Variants in DCP1B observed in about 807,000 individuals in gnomAD.
DCP1B encodes decapping mRNA 1B.
Under a neutral mutation model 60.5 loss-of-function variants are expected in DCP1B, and 47 were observed. That is an observed-to-expected ratio of 0.78 (90% confidence interval 0.61 to 0.99). DCP1B has a LOEUF of 0.99. DCP1B is among the 50% of genes least tolerant of loss of function. The pLI is 0.00. For missense variants in DCP1B, 725 were observed against 756.8 expected (o/e 0.96, Z 0.49); for synonymous variants, 267 against 280.3 (o/e 0.95, Z 0.47).
intron 1 of DCP1B, among the ~76,000 whole-genome samples, chr12:1,998,491 C>T (rs1398512811): frequency 6.6e-6 from 1 of 152,112 alleles, no homozygotes; most frequent in Non-Finnish European, 1.5e-5. Context: ...GCAATGATGC[C>T]ACAGAGTTCT....
At chr12:1,966,593 C>A (rs539813311) in intron 4 of DCP1B, among the ~76,000 whole-genome samples, 1 of 152,224 alleles carries the variant, frequency 6.6e-6, no homozygotes, top group East Asian at 1.9e-4. Flanking sequence ...ATTTCCTGCC[C>A]GAGCTGTTAG....
Position 1,996,656 on chromosome 12 carries a change from C to CA in DCP1B, c.191+1278dup, listed in dbSNP as rs1349356918. On this transcript the variant is annotated intron_variant, in intron 2 of 8. Coordinates refer to ENST00000280665, the MANE Select transcript of DCP1B (RefSeq NM_152640.5). Reference sequence around the variant, plus strand: ...AAAAAAAAAAAAAAAAAAAAAAAAACAACAAACTCTTCTAATGTTTTAAAG... The same window carrying CA: ...AAAAAAAAAAAAAAAAAAAAAAAAACAAACAAACTCTTCTAATGTTTTAAAG... 5.5e-4 allele frequency among the ~76,000 whole-genome samples: 30 copies of CA among 54,606 alleles called. 3 individuals carry two copies. The highest frequency in any genetic ancestry group is 1.2e-3 in the African/African-American group (14 of 11,260). 35.8% of individuals were successfully genotyped at this position (54,606 alleles called of 152,430 possible). A position where few individuals can be genotyped will look rare whatever the true frequency, so the allele number is the denominator to read the frequency against.
At chr12:1,949,366 G>C (rs990246745) in intron 7 of DCP1B, 32 bp from the exon 8 acceptor site, 8 of 1,605,090 alleles carry the variant, frequency 5.0e-6, no homozygotes, top group Non-Finnish European at 6.8e-6. Context: ...AGAGAGCGGG[G>C]TTCAGGAGCA....
chr12:1,950,431 G>A (rs113447912), intron 7 of DCP1B: 140 of 701,722 alleles, frequency 2.0e-4, no homozygotes, highest in African/African-American at 1.9e-3. Context: ...TATATTCATC[G>A]CATGCTTCTA....
Position 1,993,277 on chromosome 12 carries a change from G to C in DCP1B, c.306C>G (p.Tyr102Ter). The change falls in exon 3 of 9, where the codon TAC becomes TAG. Residue 102 changes from tyrosine to a stop codon, truncating the protein, a stop_gained. Transcript: ENST00000280665. LOFTEE classifies it high-confidence loss of function. ...AGAAAGACTCACATCTGGCATTTCT[G>C]TAGAGAAGGAAAGGGTCCTGGAGTT... is the stretch of plus-strand genomic sequence containing the variant. ...DFQLQDPFLL[Y>*]RNARLSIYGI... 1 of 1,614,118 alleles carries C rather than the reference G, an allele frequency of 6.2e-7. No homozygotes were observed.
At chr12:1,959,314 G>A (rs1186160333) in intron 5 of DCP1B, among the ~76,000 whole-genome samples, 1 of 152,206 alleles carries the variant, frequency 6.6e-6, no homozygotes, top group Non-Finnish European at 1.5e-5. Context: ...AGTGGAGGAA[G>A]ATACCTGCAC....
intron 6 of DCP1B, 51 bp downstream of exon 6, chr12:1,955,381 C>CT: frequency 6.4e-7 from 1 of 1,566,478 alleles, no homozygotes; most frequent in Non-Finnish European, 8.7e-7. Context: ...GGTCAAAGTT[C>CT]TTTAAGAATT....
chr12:2,002,616 A>G (rs144532390), intron 1 of DCP1B, among the ~76,000 whole-genome samples: 1 of 152,340 alleles, frequency 6.6e-6, no homozygotes, highest in Non-Finnish European at 1.5e-5. Flanking sequence ...AACAACTATT[A>G]TTCAAGAGAA....
intron 3 of DCP1B, among the ~76,000 whole-genome samples, chr12:1,974,203 CAA>C (rs1317950829): frequency 2.0e-5 from 3 of 152,104 alleles, no homozygotes; most frequent in Non-Finnish European, 4.4e-5. Flanking sequence ...TTGCTAATAT[CAA>C]TAATTATCAC....
At chr12:1,950,272 C>CGGTG (rs2030615205) in intron 7 of DCP1B, 1 of 695,198 alleles carries the variant, frequency 1.4e-6, no homozygotes, top group Non-Finnish European at 2.6e-6. Flanking sequence ...TTTCGAGGAG[C>CGGTG]GGTGCTGAGC....
chr12:1,959,754 T>C (rs1268731942), intron 5 of DCP1B, among the ~76,000 whole-genome samples: 1 of 152,140 alleles, frequency 6.6e-6, no homozygotes, highest in African/African-American at 2.4e-5. Flanking sequence ...GGTCAGCAGA[T>C]CGAGACCATC....
intron 2 of DCP1B, among the ~76,000 whole-genome samples, chr12:1,996,429 C>T (rs955149617): frequency 6.6e-6 from 1 of 151,860 alleles, no homozygotes; most frequent in Non-Finnish European, 1.5e-5. Context: ...TTTTGCCATT[C>T]TTCCTGTTGA....
At chr12:1,945,344 T>C (rs2030382864), downstream of DCP1B, among the ~76,000 whole-genome samples, 1 of 152,196 alleles carries the variant, frequency 6.6e-6, no homozygotes, top group African/African-American at 2.4e-5. Flanking sequence ...TGTAAATTAG[T>C]TCAACCATTG....
chr12:1,972,186 T>C (rs1420292321), intron 3 of DCP1B, among the ~76,000 whole-genome samples: 1 of 152,230 alleles, frequency 6.6e-6, no homozygotes, highest in Non-Finnish European at 1.5e-5. Context: ...AAACCTCTTC[T>C]GGGCATCTAA....
chr12:2,002,882 C>T (rs1226544241), intron 1 of DCP1B, among the ~76,000 whole-genome samples: 6 of 151,956 alleles, frequency 3.9e-5, no homozygotes, highest in Non-Finnish European at 1.5e-5. Flanking sequence ...TATGTAAAAA[C>T]GAAGGTGACA....
rs140236367 is a variant in DCP1B, at chr12:1,983,612, A to G, written c.319+9652T>C. On this transcript the variant is annotated intron_variant, in intron 3 of 8. Transcript: ENST00000280665. ...ACTTTGTATGATTTCAACTCTTTAA[A>G]AATTTTTAAGGTTTGCTTTATGACC... is the stretch of plus-strand genomic sequence containing the variant. Among the ~76,000 whole-genome samples, 81 of 152,188 alleles carry G rather than the reference A, an allele frequency of 5.3e-4. 1 individual carries two copies. The East Asian group carries it at 0.012, about 23-fold the overall frequency.
chr12:1,992,059 G>C, intron 3 of DCP1B: 1 of 369,138 alleles, frequency 2.7e-6, no homozygotes, highest in Non-Finnish European at 5.7e-6. Flanking sequence ...TTTCTGTAGA[G>C]AAGGAAAGGG....
At chr12:1,966,370 T>A (rs958538517) in intron 4 of DCP1B, among the ~76,000 whole-genome samples, 1 of 152,154 alleles carries the variant, frequency 6.6e-6, no homozygotes, top group Admixed American at 6.5e-5. Context: ...TGGAAAACAA[T>A]ACAAAGATAG....
intron 3 of DCP1B, 41 bp from the exon 4 acceptor site, chr12:1,967,951 A>G (rs1419503831): frequency 1.3e-6 from 2 of 1,542,512 alleles, no homozygotes; most frequent in Non-Finnish European, 1.8e-6. Context: ...AGCATCTTCA[A>G]AACTACAAAA....
Sources: allele counts gnomAD v4.1 joint callset (sites outside exome capture counted in the v4.1 genomes callset), GRCh38; gene constraint gnomAD v4.1.1; transcripts MANE v1.5; gene names NCBI Gene and HGNC (gene_info 2026-07-23, HGNC 2026-07-21).